The following ANK3 variants were observed in gnomAD, a reference collection of about 807,000 sequenced individuals.
The protein encoded by ANK3 is ankyrin-3.
In ANK3, 57 loss-of-function variants were observed where a neutral mutation model predicts 370.9. The ratio of observed to expected loss-of-function variants is 0.15; its 90% CI spans 0.12 to 0.19. ANK3 has a LOEUF of 0.19. ANK3 is among the 10% of genes least tolerant of loss of function. ANK3 has a pLI of 1.00. For synonymous variants in ANK3, 1,929 were observed against 1,946.3 expected (o/e 0.99, Z 0.23); for missense variants, 4,439 against 5,302.1 (o/e 0.84, Z 5.06).
At position 60,108,873 on chromosome 10, in the gene ANK3, T is replaced by G. The variant is rs1207814780; in HGVS notation, c.3130A>C (p.Ser1044Arg). The G allele has an allele frequency of 6.2e-7, 1 of 1,613,994 alleles. No individual in the cohort carries two copies. The highest frequency in any genetic ancestry group is 2.2e-5 in the East Asian group (1 of 44,888). The change falls in exon 27 of 44, where the codon AGT becomes CGT. Residue 1044 changes from serine (S) to arginine (R), a missense_variant. By Grantham distance (110) the Ser-to-Arg change is moderately radical. Coordinates refer to ENST00000280772, the MANE Select transcript of ANK3 (RefSeq NM_020987.5). Reference protein sequence around the residue: ...PPMVEGEGLASRLVEMGPAGA... With the variant: ...PPMVEGEGLARRLVEMGPAGA... ...GCAGGACCCATTTCTACCAGCCTAC[T>G]GGCTAATCCCTCTCCTTCCACCATG... is the stretch of plus-strand genomic sequence containing the variant.
chr10:60,463,799 A>G (rs776332391), intron 2 of ANK3, among the ~76,000 whole-genome samples: 282 of 151,568 alleles, frequency 1.9e-3, no homozygotes, highest in Non-Finnish European at 3.2e-3. Context: ...ATGAACAAAT[A>G]TAATAAAATC....
At chr10:60,421,177 GA>G (rs2063770818) in intron 2 of ANK3, among the ~76,000 whole-genome samples, 1 of 152,040 alleles carries the variant, frequency 6.6e-6, no homozygotes, top group African/African-American at 2.4e-5. Context: ...CCGGAGCGAA[GA>G]GGAGAATTGG....
intron 1 of ANK3, among the ~76,000 whole-genome samples, chr10:60,379,699 A>G (rs1030376662): frequency 2.0e-5 from 3 of 152,076 alleles, no homozygotes; most frequent in African/African-American, 7.2e-5. Flanking sequence ...AGAACAGAAT[A>G]CTAGAGGCTG....
At chr10:60,282,902 T>C (rs1372537359) in intron 1 of ANK3, among the ~76,000 whole-genome samples, 1 of 152,128 alleles carries the variant, frequency 6.6e-6, no homozygotes, top group Non-Finnish European at 1.5e-5. Context: ...ACTTACATCT[T>C]AGGAAGAGAC....
At chr10:60,261,366 AC>A (rs528747748) in intron 7 of ANK3, among the ~76,000 whole-genome samples, 7 of 152,234 alleles carry the variant, frequency 4.6e-5, no homozygotes, top group Non-Finnish European at 8.8e-5. Context: ...CTCAGGTTAC[AC>A]CAACTTGTTA....
chr10:60,530,704 C>T (rs1023180241), intron 2 of ANK3, among the ~76,000 whole-genome samples: 10 of 152,142 alleles, frequency 6.6e-5, no homozygotes, highest in Non-Finnish European at 1.2e-4. Context: ...CATAAGGGAA[C>T]GCACACACAG....
chr10:60,256,658 T>C (rs937893933), intron 7 of ANK3, among the ~76,000 whole-genome samples: 9 of 152,220 alleles, frequency 5.9e-5, no homozygotes, highest in Admixed American at 5.2e-4. Context: ...GTGTCTATTG[T>C]TGTCATCTTT....
chr10:60,700,592 T>G (rs1242587718), intron 1 of ANK3, among the ~76,000 whole-genome samples: 1 of 152,136 alleles, frequency 6.6e-6, no homozygotes, highest in East Asian at 1.9e-4. Context: ...TCTCTAATAT[T>G]AAAACAGTCT....
At chr10:60,609,813 A>G (rs544588275) in intron 2 of ANK3, among the ~76,000 whole-genome samples, 1 of 152,330 alleles carries the variant, frequency 6.6e-6, no homozygotes, top group South Asian at 2.1e-4. Context: ...GCCTAACTTT[A>G]GCTTATCTTT....
intron 2 of ANK3, among the ~76,000 whole-genome samples, chr10:60,559,248 T>C (rs991723239): frequency 6.6e-6 from 1 of 152,138 alleles, no homozygotes; most frequent in Non-Finnish European, 1.5e-5. Context: ...TGTATAGTCT[T>C]TTATCCCTCA....
chr10:60,363,970 G>GTTT (rs113960102), intron 1 of ANK3, among the ~76,000 whole-genome samples: 1 of 138,224 alleles, frequency 7.2e-6, no homozygotes, highest in African/African-American at 2.7e-5. Flanking sequence ...AAGGAGAAGT[G>GTTT]TTTTTTTTTT....
At chr10:60,588,211 T>G (rs2077860231) in intron 2 of ANK3, among the ~76,000 whole-genome samples, 1 of 143,922 alleles carries the variant, frequency 6.9e-6, no homozygotes. Context: ...TTGAGATGGA[T>G]TCTCACTTTG....
intron 2 of ANK3, among the ~76,000 whole-genome samples, chr10:60,470,261 G>A (rs536022814): frequency 2.0e-5 from 3 of 152,106 alleles, no homozygotes; most frequent in African/African-American, 4.8e-5. Flanking sequence ...ATAGAAATTC[G>A]TCATTTTGGG....
At chr10:60,666,888 C>A (rs964504840) in intron 1 of ANK3, among the ~76,000 whole-genome samples, 1 of 151,916 alleles carries the variant, frequency 6.6e-6, no homozygotes, top group African/African-American at 2.4e-5. Flanking sequence ...ATAGCTGGAG[C>A]AATTTTGAAA....
At chr10:60,689,446 A>G (rs1330277431) in intron 1 of ANK3, among the ~76,000 whole-genome samples, 1 of 152,100 alleles carries the variant, frequency 6.6e-6, no homozygotes, top group Non-Finnish European at 1.5e-5. Flanking sequence ...GAAATCACTT[A>G]CAGCAGTTAA....
chr10:60,351,051 A>G (rs935211231), intron 1 of ANK3, among the ~76,000 whole-genome samples: 1 of 152,154 alleles, frequency 6.6e-6, no homozygotes. Flanking sequence ...TAAAGAAACA[A>G]TTGGAATTTA....
chr10:60,435,393 C>T (rs1357140223), intron 2 of ANK3, among the ~76,000 whole-genome samples: 2 of 152,154 alleles, frequency 1.3e-5, no homozygotes, highest in Admixed American at 6.5e-5. Context: ...CTCTTACTTC[C>T]AGCACATTTT....
rs1380252814 is a variant in ANK3 at position 60,338,791 on chromosome 10, A to G, written c.114+50634T>C. Among the ~76,000 whole-genome samples, 4 of 152,202 alleles carry G rather than the reference A, an allele frequency of 2.6e-5. No homozygotes were observed. The South Asian group carries it at 8.3e-4, about 31-fold the overall frequency. On this transcript the variant is annotated intron_variant, in intron 1 of 43. Transcript: ENST00000280772. ...CACTTCCTAGAATCTTTTCCCCCATAGCGGGAGTTTAATCCCACATCTGTG... is the reference window on the plus strand; with the variant it reads ...CACTTCCTAGAATCTTTTCCCCCATGGCGGGAGTTTAATCCCACATCTGTG...
At chr10:60,244,730 G>T (rs574820077) in intron 7 of ANK3, among the ~76,000 whole-genome samples, 63 of 152,280 alleles carry the variant, frequency 4.1e-4, no homozygotes, top group African/African-American at 1.5e-3. Context: ...ATACACGGAA[G>T]CAAAGATTAC....
Sources: gnomAD v4.1 joint callset for allele counts (sites outside exome capture counted in the v4.1 genomes callset) on GRCh38, gnomAD v4.1.1 for gene constraint, MANE v1.5 for transcripts, NCBI Gene and HGNC (gene_info 2026-07-23, HGNC 2026-07-21) for gene names.